The following CTNND2 variants were observed in gnomAD, a reference collection of about 807,000 sequenced individuals.
The protein encoded by CTNND2 is catenin delta-2.
Under a neutral mutation model 144.4 loss-of-function variants are expected in CTNND2, and 22 were observed. That is an observed-to-expected ratio of 0.15 (90% CI 0.11 to 0.22). The LOEUF (loss-of-function observed/expected upper bound fraction) is 0.22. CTNND2 is among the 10% of genes least tolerant of loss of function. The pLI is 1.00. For missense variants in CTNND2, 1,353 were observed against 1,618.8 expected (o/e 0.84, Z 2.82); for synonymous variants, 751 against 695.6 (o/e 1.08, Z -1.25).
chr5:11,085,294 T>C (rs1321628247), intron 15 of CTNND2, among the ~76,000 whole-genome samples: 3 of 152,246 alleles, frequency 2.0e-5, no homozygotes, highest in South Asian at 2.1e-4. Flanking sequence ...AACCAGACAA[T>C]AGATTTGATA....
intron 9 of CTNND2, among the ~76,000 whole-genome samples, chr5:11,293,744 C>T (rs961159494): frequency 7.5e-5 from 11 of 147,642 alleles, no homozygotes; most frequent in Non-Finnish European, 1.3e-4. Context: ...AATACAACCA[C>T]CTTTTGTTTA....
intron 21 of CTNND2, among the ~76,000 whole-genome samples, 187 bp downstream of exon 21, chr5:10,981,586 A>AACACACAC (rs112742699): frequency 1.3e-3 from 198 of 150,486 alleles, no homozygotes; most frequent in East Asian, 5.9e-3. Flanking sequence ...TGCCGAGTCC[A>AACACACAC]ACACACACAC....
chr5:11,111,372 C>T (rs969781456), intron 13 of CTNND2, among the ~76,000 whole-genome samples: 2 of 152,136 alleles, frequency 1.3e-5, no homozygotes, highest in South Asian at 2.1e-4. Flanking sequence ...TAACAGACAG[C>T]GCCCCACCTC....
chr5:11,128,360 A>C (rs761282866), intron 12 of CTNND2, among the ~76,000 whole-genome samples: 97 of 152,264 alleles, frequency 6.4e-4, no homozygotes, highest in Non-Finnish European at 1.3e-3. Flanking sequence ...AACAACCTGC[A>C]GTAGCTTGGA....
At chr5:11,426,041 T>C (rs1013715557) in intron 3 of CTNND2, among the ~76,000 whole-genome samples, 4 of 152,136 alleles carry the variant, frequency 2.6e-5, no homozygotes, top group African/African-American at 9.7e-5. Context: ...TTTTTTCCCC[T>C]GATGTTTCCT....
chr5:11,498,155 G>T (rs1770161453), intron 3 of CTNND2, among the ~76,000 whole-genome samples: 2 of 151,994 alleles, frequency 1.3e-5, no homozygotes, highest in Non-Finnish European at 2.9e-5. Flanking sequence ...TGAGTTTTGG[G>T]GTGGTTTGTT....
chr5:11,592,919 G>A (rs1020474830), intron 2 of CTNND2, among the ~76,000 whole-genome samples: 3 of 151,436 alleles, frequency 2.0e-5, no homozygotes, highest in African/African-American at 4.9e-5. Flanking sequence ...GAGACAAAAA[G>A]AACAGTGGAG....
rs2150124917 is a variant in CTNND2 at position 11,577,676 on chromosome 5, A to G, written c.175-12620T>C. 2.6e-5 allele frequency among the ~76,000 whole-genome samples: 4 copies of G among 152,306 alleles called. No individual in the cohort carries two copies. The Middle Eastern group carries it at 0.014, about 518-fold the overall frequency. Reference sequence around the variant, plus strand: ...GGAGTTTAGGGGCAAATTTACCATCAGGCAAATTACATTGGAAGTTTGACA... The same window carrying G: ...GGAGTTTAGGGGCAAATTTACCATCGGGCAAATTACATTGGAAGTTTGACA... On this transcript the variant is annotated intron_variant, in intron 2 of 21. Coordinates refer to ENST00000304623, the MANE Select transcript of CTNND2 (RefSeq NM_001332.4).
At chr5:11,477,132 G>A (rs2149967168) in intron 3 of CTNND2, among the ~76,000 whole-genome samples, 1 of 152,254 alleles carries the variant, frequency 6.6e-6, no homozygotes, top group African/African-American at 2.4e-5. Context: ...TGCTTTACGG[G>A]CAGGTCTTTT....
At chr5:11,756,110 G>A (rs1242477189) in intron 1 of CTNND2, among the ~76,000 whole-genome samples, 5 of 151,592 alleles carry the variant, frequency 3.3e-5, no homozygotes. Context: ...CTAACATTAT[G>A]CAAAAACTTT....
intron 1 of CTNND2, among the ~76,000 whole-genome samples, chr5:11,774,492 T>C (rs1009915849): frequency 7.0e-6 from 1 of 142,064 alleles, no homozygotes; most frequent in South Asian, 2.3e-4. Context: ...ATGGCACATG[T>C]ATACATATGT....
chr5:11,810,960 T>G (rs1021953889), intron 1 of CTNND2, among the ~76,000 whole-genome samples: 1 of 152,300 alleles, frequency 6.6e-6, no homozygotes, highest in African/African-American at 2.4e-5. Context: ...CATCTGAATT[T>G]TACTGTAGTT....
intron 9 of CTNND2, among the ~76,000 whole-genome samples, chr5:11,270,217 A>G (rs1180679718): frequency 6.6e-6 from 1 of 152,022 alleles, no homozygotes; most frequent in Non-Finnish European, 1.5e-5. Context: ...GCATGTTAGG[A>G]TTTTTCCCTT....
Position 11,100,610 on chromosome 5 carries a change from G to A in CTNND2, c.2464-1862C>T, listed in dbSNP as rs1751789914. On this transcript the variant is annotated intron_variant, in intron 14 of 21. Coordinates refer to ENST00000304623, the MANE Select transcript of CTNND2 (RefSeq NM_001332.4). ...TTGGCCTCTCAAAGGAGACCAGCTT[G>A]GGGTAGTGAATCTATCTGCTAGAGT... 3.9e-5 allele frequency among the ~76,000 whole-genome samples: 6 copies of A among 152,256 alleles called. 1 individual carries two copies. The South Asian group carries it at 1.2e-3, about 32-fold the overall frequency.
chr5:11,227,819 C>G (rs1230577800), intron 10 of CTNND2, among the ~76,000 whole-genome samples: 1 of 152,130 alleles, frequency 6.6e-6, no homozygotes, highest in African/African-American at 2.4e-5. Context: ...ACTATCTAGT[C>G]TAGACACACA....
chr5:11,690,076 A>C (rs1019689304), intron 2 of CTNND2, among the ~76,000 whole-genome samples: 1 of 152,222 alleles, frequency 6.6e-6, no homozygotes. Flanking sequence ...TATCATTCCA[A>C]GTTTGGAGAC....
At chr5:11,254,853 G>A (rs750901690) in intron 9 of CTNND2, among the ~76,000 whole-genome samples, 21 of 152,118 alleles carry the variant, frequency 1.4e-4, no homozygotes, top group Admixed American at 1.0e-3. Flanking sequence ...AGAAACCGTG[G>A]TGTATACTAT....
Position 11,903,961 on chromosome 5 carries a change from T to C in CTNND2, c.-108A>G, listed in dbSNP as rs1250205348. 8.9e-6 allele frequency: 11 copies of C among 1,240,504 alleles called. No individual in the cohort carries two copies. Among genetic ancestry groups the C allele is most frequent in the Non-Finnish European group, 1.1e-5 (11 of 978,566 alleles). 76.8% of individuals were successfully genotyped at this position (1,240,504 alleles called of 1,614,324 possible). ...GCCCAACTGCAGCATCTTCCGCTTT[T>C]GTTGTCTGAGCGCGGCCGCGGGACA... On this transcript the variant is annotated 5_prime_UTR_variant, in exon 1 of 22. Coordinates refer to ENST00000304623, the MANE Select transcript of CTNND2 (RefSeq NM_001332.4). This position sits in a 1 kb window ranked among gnomAD's most constrained non-coding sequence, Gnocchi z 5.4.
chr5:11,585,867 A>G (rs554062061), intron 2 of CTNND2, among the ~76,000 whole-genome samples: 1 of 152,112 alleles, frequency 6.6e-6, no homozygotes, highest in Non-Finnish European at 1.5e-5. Flanking sequence ...AGGGGCTAGG[A>G]CGGTGCTTCA....
Sources: allele counts gnomAD v4.1 joint callset (sites outside exome capture counted in the v4.1 genomes callset), GRCh38; gene constraint gnomAD v4.1.1; non-coding constraint Gnocchi (gnomAD v3.1); transcripts MANE v1.5; gene names NCBI Gene and HGNC (gene_info 2026-07-23, HGNC 2026-07-21).